The following EPHA8 variants were observed in gnomAD, a reference collection of about 807,000 sequenced individuals.
EPHA8 encodes the protein EPH receptor A8.
In EPHA8, 58 loss-of-function variants were observed where a neutral mutation model predicts 103.6. That is an observed-to-expected ratio of 0.56 (90% CI 0.45 to 0.70). EPHA8 has a LOEUF of 0.70. Ranked by LOEUF, EPHA8 falls within the 30% of genes least tolerant of loss-of-function variation. EPHA8 has a pLI of 0.00. For missense variants in EPHA8, 1,304 were observed against 1,395.2 expected (o/e 0.93, Z 1.04); for synonymous variants, 559 against 572.5 (o/e 0.98, Z 0.34).
chr1:22,578,127 CAT>C (rs1491509770), intron 3 of EPHA8, among the ~76,000 whole-genome samples: 2 of 42,108 alleles, frequency 4.7e-5, no homozygotes, highest in African/African-American at 7.1e-5. Flanking sequence ...TGAGTGTATG[CAT>C]GTGTGCATGT....
At position 22,567,214 on chromosome 1, in the gene EPHA8, G is replaced by A. The variant is rs3767564; in HGVS notation, c.95-2075G>A. ...CAGGCCAGGTCACAGAAGGGGCCCAGTCACCCCGAGACCTGTGTCTGGGAT... is the reference window on the plus strand; with the variant it reads ...CAGGCCAGGTCACAGAAGGGGCCCAATCACCCCGAGACCTGTGTCTGGGAT... On this transcript the variant is annotated intron_variant, in intron 1 of 16. Coordinates refer to ENST00000166244, the MANE Select transcript of EPHA8 (RefSeq NM_020526.5). The surrounding 1 kb of genome is among the most constrained non-coding windows in gnomAD (Gnocchi z 4.2). Among the ~76,000 whole-genome samples, 5,524 of 152,244 alleles carry A rather than the reference G, an allele frequency of 0.036. 144 individuals carry two copies. Among genetic ancestry groups the A allele is most frequent in the East Asian group, 0.11 (580 of 5,152 alleles).
rs1236228022 is a variant in EPHA8 at position 22,567,922 on chromosome 1, T to TA, written c.95-1366dup. 2.0e-5 allele frequency among the ~76,000 whole-genome samples: 3 copies of TA among 152,114 alleles called. No individual in the cohort carries two copies. The highest frequency in any genetic ancestry group is 4.4e-5 in the Non-Finnish European group (3 of 68,034). On this transcript the variant is annotated intron_variant, in intron 1 of 16. Transcript: ENST00000166244. The surrounding 1 kb of genome is among the most constrained non-coding windows in gnomAD (Gnocchi z 4.2). ...GACTCTGGAGCCAAAAGCCCTCTCA[T>TA]ACAGCAATCACCAGCTAGATCAAAA... is the stretch of plus-strand genomic sequence containing the variant.
chr1:22,579,281 A>G (rs964794088), intron 3 of EPHA8, among the ~76,000 whole-genome samples: 2 of 150,406 alleles, frequency 1.3e-5, no homozygotes, highest in African/African-American at 4.9e-5. Flanking sequence ...CAGAGTGTAT[A>G]TATGCATGTG....
intron 14 of EPHA8, 41 bp from the exon 15 acceptor site, chr1:22,600,857 T>A: frequency 1.3e-6 from 2 of 1,588,406 alleles, no homozygotes; most frequent in African/African-American, 2.7e-5. Context: ...AGCCTCAGGG[T>A]GCAGGGAGGG....
At position 22,598,640 on chromosome 1, in the gene EPHA8, C is replaced by T. The variant is rs1045056233; in HGVS notation, c.2179-198C>T. ...AAGCAGTCATTGCTGCCCCACGTAC[C>T]TCGCAGGGTTGCTGTGAGGGTAAAT... On this transcript the variant is annotated intron_variant, in intron 12 of 16. Coordinates refer to ENST00000166244, the MANE Select transcript of EPHA8 (RefSeq NM_020526.5). The surrounding 1 kb of genome is among the most constrained non-coding windows in gnomAD (Gnocchi z 5.1). Among the ~76,000 whole-genome samples, 1 of 152,210 alleles carries T rather than the reference C, an allele frequency of 6.6e-6. No individual in the cohort carries two copies. Among genetic ancestry groups the T allele is most frequent in the Non-Finnish European group, 1.5e-5 (1 of 68,040 alleles).
chr1:22,580,154 T>TTTTG (rs1641006024), intron 3 of EPHA8, among the ~76,000 whole-genome samples: 1 of 85,264 alleles, frequency 1.2e-5, no homozygotes, highest in African/African-American at 4.5e-5. Context: ...TTTTTTTTTT[T>TTTTG]GGAGACGGAG....
chr1:22,600,738 G>C lies in EPHA8; in HGVS notation c.2466G>C (p.Trp822Cys), dbSNP rs1641699890. ...FRTFSSASDV[W>C]SFGVVMWEVL... ...CCTTCTCCTCGGCCAGCGACGTGTGGAGCTTCGGCGTGGTCATGTGGGAGG... is the reference window on the plus strand; with the variant it reads ...CCTTCTCCTCGGCCAGCGACGTGTGCAGCTTCGGCGTGGTCATGTGGGAGG... Residue 822 changes from tryptophan (W) to cysteine (C), a missense_variant, in exon 14 of 17, where the codon TGG becomes TGC. Physicochemically the swap from Trp to Cys is radical, Grantham distance 215. Transcript: ENST00000166244. 1 of 1,613,532 alleles carries C rather than the reference G, an allele frequency of 6.2e-7. No individual in the cohort carries two copies. The highest frequency in any genetic ancestry group is 8.5e-7 in the Non-Finnish European group (1 of 1,179,774).
chr1:22,586,130 T>A (rs1161363705), intron 3 of EPHA8, among the ~76,000 whole-genome samples: 1 of 152,042 alleles, frequency 6.6e-6, no homozygotes, highest in Non-Finnish European at 1.5e-5. Flanking sequence ...AAGGACAGCA[T>A]CTCCACCCCT....
At chr1:22,574,629 C>T (rs1640633493) in intron 2 of EPHA8, among the ~76,000 whole-genome samples, 1 of 152,160 alleles carries the variant, frequency 6.6e-6, no homozygotes, top group South Asian at 2.1e-4. Flanking sequence ...AATTTCCTTC[C>T]CTTTTAAGGC....
chr1:22,577,816 G>T (rs1305611065), intron 3 of EPHA8, among the ~76,000 whole-genome samples: 1 of 149,436 alleles, frequency 6.7e-6, no homozygotes, highest in Non-Finnish European at 1.5e-5. Context: ...ATGTGTGCAT[G>T]TGTGTGCATG....
intron 3 of EPHA8, among the ~76,000 whole-genome samples, chr1:22,585,659 G>A (rs990128501): frequency 2.0e-5 from 3 of 152,214 alleles, no homozygotes; most frequent in Non-Finnish European, 4.4e-5. Flanking sequence ...CAGCTGGGTG[G>A]GGGGAGGCAG....
chr1:22,583,603 T>C (rs1313980257), intron 3 of EPHA8, among the ~76,000 whole-genome samples: 2 of 152,262 alleles, frequency 1.3e-5, no homozygotes, highest in African/African-American at 2.4e-5. Context: ...CAAATTGTTA[T>C]AACAACAAGT....
chr1:22,574,314 A>G (rs1209179206), intron 2 of EPHA8, among the ~76,000 whole-genome samples: 1 of 152,170 alleles, frequency 6.6e-6, no homozygotes, highest in African/African-American at 2.4e-5. Flanking sequence ...ATTCTGGTGA[A>G]ATACACATAA....
rs746612051 is a variant in EPHA8 at position 22,597,051 on chromosome 1, G to A, written c.1766-261G>A. On this transcript the variant is annotated intron_variant, in intron 9 of 16. Coordinates refer to ENST00000166244, the MANE Select transcript of EPHA8 (RefSeq NM_020526.5). The surrounding 1 kb of genome is among the most constrained non-coding windows in gnomAD (Gnocchi z 4.6). ...CAGAACAATTTAGAAAGATCTCAAG[G>A]ACTGTAAAAGTGACCCCAGAAAATG... Among the ~76,000 whole-genome samples, 2 of 152,060 alleles carry A rather than the reference G, an allele frequency of 1.3e-5. No homozygotes were observed. The highest frequency in any genetic ancestry group is 6.6e-5 in the Admixed American group (1 of 15,262).
At chr1:22,564,411 C>T (rs1366259135) in intron 1 of EPHA8, among the ~76,000 whole-genome samples, 1 of 128,608 alleles carries the variant, frequency 7.8e-6, no homozygotes, top group African/African-American at 3.0e-5. Context: ...TCGTGGGCAG[C>T]GGGAGCGGCT....
chr1:22,565,340 C>T (rs946427079), intron 1 of EPHA8, among the ~76,000 whole-genome samples: 2 of 152,082 alleles, frequency 1.3e-5, no homozygotes, highest in African/African-American at 4.8e-5. Flanking sequence ...GCCGGCAGAG[C>T]AGGGCCGGGT....
intron 3 of EPHA8, among the ~76,000 whole-genome samples, chr1:22,578,956 TCC>T (rs1640928688): frequency 1.4e-5 from 2 of 144,826 alleles, no homozygotes; most frequent in African/African-American, 4.9e-5. Flanking sequence ...TGCATGTGTG[TCC>T]ATGTGTATGT....
At chr1:22,593,856 A>C (rs770318933) in intron 7 of EPHA8, among the ~76,000 whole-genome samples, 170 bp downstream of exon 7, 13 of 152,192 alleles carry the variant, frequency 8.5e-5, no homozygotes, top group Non-Finnish European at 1.8e-4. Context: ...TAATTGAGAC[A>C]GAGTTTCACT....
intron 13 of EPHA8, among the ~76,000 whole-genome samples, chr1:22,600,094 A>AG (rs1378254319): frequency 1.0e-5 from 1 of 96,164 alleles, no homozygotes; most frequent in African/African-American, 4.3e-5. Context: ...GGAGGGAGGG[A>AG]GGAAGGAGAG....
Sources: gnomAD v4.1 joint callset for allele counts (sites outside exome capture counted in the v4.1 genomes callset) on GRCh38, gnomAD v4.1.1 for gene constraint, Gnocchi (gnomAD v3.1) non-coding constraint, MANE v1.5 for transcripts, NCBI Gene and HGNC (gene_info 2026-07-23, HGNC 2026-07-21) for gene names.